The following GGA3 variants were observed in gnomAD, a reference collection of about 807,000 sequenced individuals.
The protein encoded by GGA3 is golgi associated, gamma adaptin ear containing, ARF binding protein 3.
A neutral mutation model predicts 77.5 loss-of-function variants in GGA3; 57 were observed. The ratio of observed to expected loss-of-function variants is 0.74; its 90% CI spans 0.59 to 0.92. GGA3 has a LOEUF of 0.92. Ranked by LOEUF, GGA3 falls within the 40% of genes least tolerant of loss-of-function variation. The pLI is 0.00. For synonymous variants in GGA3, 416 were observed against 383.7 expected, an observed-to-expected ratio of 1.08 and a Z score of -0.98; for missense variants, 970 against 914.9, an observed-to-expected ratio of 1.06 and a Z score of -0.78.
intron 3 of GGA3, 102 bp from the exon 4 acceptor site, chr17:75,244,819 C>T: frequency 6.6e-6 from 5 of 761,638 alleles, no homozygotes; most frequent in South Asian, 1.5e-5. Flanking sequence ...AATAAACACG[C>T]CCACAGGAAG....
At chr17:75,242,130 A>AC in intron 8 of GGA3, 1 of 631,714 alleles carries the variant, frequency 1.6e-6, no homozygotes, top group South Asian at 1.8e-5. Flanking sequence ...TGGCCCTTAC[A>AC]CCCTGGACAA....
chr17:75,241,259 C>T (rs2076545757), intron 10 of GGA3, 141 bp downstream of exon 10: 8 of 777,774 alleles, frequency 1.0e-5, no homozygotes, highest in Admixed American at 4.6e-5. Context: ...TCCGGGAAGC[C>T]GGAGGATTGC....
Position 75,238,129 on chromosome 17 carries a change from T to C in GGA3, c.*150A>G. ...AAGGAGAGGTTATCACAGCAGCAGT[T>C]TGGTTCTCAGCAGAAATGCCCAGGG... On this transcript the variant is annotated 3_prime_UTR_variant, in exon 17 of 17. Coordinates refer to ENST00000537686, the MANE Select transcript of GGA3 (RefSeq NM_138619.4). 1 of 1,431,964 alleles carries C rather than the reference T, an allele frequency of 7.0e-7. No individual in the cohort carries two copies. The highest frequency in any genetic ancestry group is 2.8e-5 in the Admixed American group (1 of 35,750). The allele number at this position is 1,431,964 out of a possible 1,614,324, so 88.7% of individuals were successfully genotyped here. A position where few individuals can be genotyped will look rare whatever the true frequency, so the allele number is the denominator to read the frequency against.
At chr17:75,242,255 G>A (rs1435487032) in intron 8 of GGA3, 81 bp downstream of exon 8, 5 of 1,416,094 alleles carry the variant, frequency 3.5e-6, no homozygotes, top group East Asian at 2.3e-5. Flanking sequence ...CTCTGACAAG[G>A]CACGTGCTCA....
chr17:75,260,810 T>C (rs973799632), intron 1 of GGA3, among the ~76,000 whole-genome samples: 3 of 152,102 alleles, frequency 2.0e-5, no homozygotes, highest in African/African-American at 7.2e-5. Flanking sequence ...CACAGTGCAA[T>C]GACAGCAATA....
At chr17:75,254,448 A>T (rs2077072742) in intron 1 of GGA3, among the ~76,000 whole-genome samples, 1 of 152,092 alleles carries the variant, frequency 6.6e-6, no homozygotes, top group Non-Finnish European at 1.5e-5. Flanking sequence ...CCAAATCAGA[A>T]GCGTTTAGGC....
chr17:75,251,688 T>G (rs2076970525), intron 1 of GGA3, among the ~76,000 whole-genome samples: 1 of 113,896 alleles, frequency 8.8e-6, no homozygotes, highest in Non-Finnish European at 1.6e-5. Flanking sequence ...CCTGGGCGAC[T>G]AGAGTGAGAC....
chr17:75,238,880 T>TA, intron 15 of GGA3, 34 bp downstream of exon 15: 1 of 1,610,372 alleles, frequency 6.2e-7, no homozygotes. Context: ...AGGGTCAAGA[T>TA]AAGGCCGTTT....
rs761501535 is a variant in GGA3 at position 75,261,538 on chromosome 17, G to A, written c.40+10C>T. On this transcript the variant is annotated intron_variant, in intron 1 of 16. Coordinates refer to ENST00000537686, the MANE Select transcript of GGA3 (RefSeq NM_138619.4). Reference sequence around the variant, plus strand: ...CTCGAGGGCAGGCAGAAACGGCCGCGGCTACTCACTGAGCCAGGACTCCAG... The same window carrying A: ...CTCGAGGGCAGGCAGAAACGGCCGCAGCTACTCACTGAGCCAGGACTCCAG... The A allele has an allele frequency of 9.2e-6, 14 of 1,521,606 alleles. No individual in the cohort carries two copies. The highest frequency in any genetic ancestry group is 1.2e-5 in the Non-Finnish European group (14 of 1,135,080). The allele number at this position is 1,521,606 out of a possible 1,614,324, so 94.3% of individuals were successfully genotyped here. A position where few individuals can be genotyped will look rare whatever the true frequency, so the allele number is the denominator to read the frequency against.
rs563415907 is a variant in GGA3, at chr17:75,247,554, G to A, written c.41-758C>T. On this transcript the variant is annotated intron_variant, in intron 1 of 16. Transcript: ENST00000537686. ...TGGGATTACAGGCGTGAGTCACCGC[G>A]CCCAGCGAATATTTTCCACATACCT... 1.1e-4 allele frequency among the ~76,000 whole-genome samples: 17 copies of A among 152,286 alleles called. No individual in the cohort carries two copies. The South Asian group carries it at 2.9e-3, about 26-fold the overall frequency.
At chr17:75,244,094 A>G (rs1397137414) in intron 4 of GGA3, among the ~76,000 whole-genome samples, 1 of 152,088 alleles carries the variant, frequency 6.6e-6, no homozygotes, top group African/African-American at 2.4e-5. Flanking sequence ...TTCTGAGGAA[A>G]GTGCATTTTC....
intron 1 of GGA3, among the ~76,000 whole-genome samples, chr17:75,260,638 G>A (rs2077325779): frequency 6.6e-6 from 1 of 152,084 alleles, no homozygotes; most frequent in African/African-American, 2.4e-5. Context: ...TCAGAACAAG[G>A]CAATACTAGG....
At chr17:75,240,467 G>A in intron 11 of GGA3, 55 bp from the exon 12 acceptor site, 5 of 1,159,324 alleles carry the variant, frequency 4.3e-6, no homozygotes, top group Non-Finnish European at 6.3e-6. Flanking sequence ...GGCAGCCCTA[G>A]CCCCGCCTTG....
intron 1 of GGA3, among the ~76,000 whole-genome samples, chr17:75,260,241 A>G (rs1341126495): frequency 2.0e-5 from 3 of 152,230 alleles, no homozygotes; most frequent in African/African-American, 7.2e-5. Flanking sequence ...CCATATTAAT[A>G]CCTTCAAAGC....
At chr17:75,255,075 A>G (rs1027331271) in intron 1 of GGA3, among the ~76,000 whole-genome samples, 4 of 152,160 alleles carry the variant, frequency 2.6e-5, no homozygotes, top group Admixed American at 6.5e-5. Context: ...CGGAAGCCCC[A>G]TAGACCATCA....
At chr17:75,242,977 G>C (rs1180490809) in intron 6 of GGA3, 66 bp from the exon 7 acceptor site, 4 of 1,492,892 alleles carry the variant, frequency 2.7e-6, no homozygotes, top group Non-Finnish European at 3.7e-6. Flanking sequence ...AAACCCCAGA[G>C]GCTCCCCGCA....
Position 75,238,262 on chromosome 17 carries a change from C to G in GGA3, c.*17G>C. The G allele has an allele frequency of 6.2e-7, 1 of 1,609,984 alleles. No homozygotes were observed. Among genetic ancestry groups the G allele is most frequent in the South Asian group, 1.1e-5 (1 of 90,484 alleles). ...GCCTGCCTGGCTTCAAGGTGGAGATCACAGCGTCCTCTGGGGTCATAGGTT... is the reference window on the plus strand; with the variant it reads ...GCCTGCCTGGCTTCAAGGTGGAGATGACAGCGTCCTCTGGGGTCATAGGTT... On this transcript the variant is annotated 3_prime_UTR_variant, in exon 17 of 17. Transcript: ENST00000537686.
chr17:75,253,416 C>T (rs1598435846), intron 1 of GGA3, among the ~76,000 whole-genome samples: 1 of 152,222 alleles, frequency 6.6e-6, no homozygotes, highest in Non-Finnish European at 1.5e-5. Context: ...ATTGCAGGGA[C>T]ACCTCTCTGA....
At chr17:75,260,752 C>T (rs1171789513) in intron 1 of GGA3, among the ~76,000 whole-genome samples, 2 of 152,210 alleles carry the variant, frequency 1.3e-5, no homozygotes, top group African/African-American at 2.4e-5. Context: ...AGGCAGAGTA[C>T]TACCTGCTAA....
Sources: gnomAD v4.1 joint callset for allele counts (sites outside exome capture counted in the v4.1 genomes callset) on GRCh38, gnomAD v4.1.1 for gene constraint, MANE v1.5 for transcripts, NCBI Gene and HGNC (gene_info 2026-07-23, HGNC 2026-07-21) for gene names.